Variants in TTLL5 observed in about 807,000 individuals in gnomAD.
TTLL5 encodes tubulin tyrosine ligase like 5.
Under a neutral mutation model 168.4 loss-of-function variants are expected in TTLL5, and 132 were observed. That is an observed-to-expected ratio of 0.78 (90% CI 0.68 to 0.91). TTLL5 has a LOEUF of 0.91. Ranked by LOEUF, TTLL5 falls within the 40% of genes least tolerant of loss-of-function variation. TTLL5 has a pLI of 0.00. For missense variants in TTLL5, 1,545 were observed against 1,581.5 expected (o/e 0.98, Z 0.39); for synonymous variants, 546 against 558.6 (o/e 0.98, Z 0.32).
At chr14:75,917,270 C>T (rs1174253592) in intron 31 of TTLL5, among the ~76,000 whole-genome samples, 5 of 152,092 alleles carry the variant, frequency 3.3e-5, no homozygotes, top group Admixed American at 6.5e-5. Context: ...TTTGTTTTCT[C>T]GATTTTGCAT....
chr14:75,669,345 A>G lies in TTLL5; in HGVS notation c.75-71A>G, dbSNP rs1594840577. 7.9e-6 allele frequency: 11 copies of G among 1,401,042 alleles called. No homozygotes were observed. In the East Asian group the frequency reaches 1.2e-4, roughly 15 times the overall value. The allele number at this position is 1,401,042 out of a possible 1,614,324, so 86.8% of individuals were successfully genotyped here. A position where few individuals can be genotyped will look rare whatever the true frequency, so the allele number is the denominator to read the frequency against. On this transcript the variant is annotated intron_variant, in intron 2 of 31. Coordinates refer to ENST00000298832, the MANE Select transcript of TTLL5 (RefSeq NM_015072.5). ...GGGGAAACTTGCTAAGCAACAAACCATAGTAATCTGCATCAGCAGTTAGTT... is the reference window on the plus strand; with the variant it reads ...GGGGAAACTTGCTAAGCAACAAACCGTAGTAATCTGCATCAGCAGTTAGTT...
At chr14:75,731,039 A>T (rs540802348) in intron 12 of TTLL5, among the ~76,000 whole-genome samples, 11 of 152,116 alleles carry the variant, frequency 7.2e-5, no homozygotes, top group Non-Finnish European at 1.5e-4. Flanking sequence ...TTCTTAATAC[A>T]TCATGTAACT....
chr14:75,809,651 C>T (rs1306322632), intron 27 of TTLL5, among the ~76,000 whole-genome samples: 3 of 152,128 alleles, frequency 2.0e-5, no homozygotes, highest in South Asian at 2.1e-4. Context: ...ACTATACTTT[C>T]GAATACTAGA....
chr14:75,663,247 C>G, intron 2 of TTLL5, 24 bp downstream of exon 2: 1 of 1,599,052 alleles, frequency 6.3e-7, no homozygotes, highest in Non-Finnish European at 8.5e-7. Flanking sequence ...AGCCTGCTTT[C>G]AACCTGTGCT....
At chr14:75,886,888 C>T (rs971114163) in intron 30 of TTLL5, 3 of 1,451,116 alleles carry the variant, frequency 2.1e-6, no homozygotes, top group Non-Finnish European at 2.7e-6. Flanking sequence ...TTGAAGTTTG[C>T]CAGGCACAAG....
At chr14:75,888,504 G>A (rs2032229188) in intron 30 of TTLL5, among the ~76,000 whole-genome samples, 1 of 152,154 alleles carries the variant, frequency 6.6e-6, no homozygotes, top group Admixed American at 6.6e-5. Flanking sequence ...GCTAACCTCT[G>A]ACAGAATCCA....
intron 23 of TTLL5, among the ~76,000 whole-genome samples, chr14:75,778,388 A>T (rs1891846525): frequency 6.6e-6 from 1 of 152,230 alleles, no homozygotes; most frequent in Non-Finnish European, 1.5e-5. Flanking sequence ...GATAAGACAG[A>T]TATAAAGCAG....
At chr14:75,883,754 C>T (rs886354617) in intron 30 of TTLL5, among the ~76,000 whole-genome samples, 6 of 152,194 alleles carry the variant, frequency 3.9e-5, no homozygotes, top group Non-Finnish European at 7.3e-5. Context: ...AATATTTATT[C>T]AGTGCCCACT....
intron 6 of TTLL5, among the ~76,000 whole-genome samples, chr14:75,693,794 T>C (rs988893478): frequency 6.6e-6 from 1 of 152,214 alleles, no homozygotes; most frequent in Non-Finnish European, 1.5e-5. Context: ...TAAGGGAGAT[T>C]GAGAAGTGAT....
chr14:75,834,566 T>G (rs1260524996), intron 28 of TTLL5, among the ~76,000 whole-genome samples: 2 of 152,176 alleles, frequency 1.3e-5, no homozygotes, highest in African/African-American at 4.8e-5. Context: ...CTCTGTATAT[T>G]TTTTACTCCC....
At chr14:75,920,019 G>A (rs2033770269) in intron 31 of TTLL5, among the ~76,000 whole-genome samples, 1 of 152,208 alleles carries the variant, frequency 6.6e-6, no homozygotes, top group Admixed American at 6.5e-5. Flanking sequence ...CTACTGGGGA[G>A]GCTGAGGTGG....
At chr14:75,811,167 G>GTGTGTGTA (rs1566614287) in intron 27 of TTLL5, among the ~76,000 whole-genome samples, 2 of 145,134 alleles carry the variant, frequency 1.4e-5, no homozygotes, top group Admixed American at 6.8e-5. Context: ...GTGTGTGTGT[G>GTGTGTGTA]TGTGTGTGTG....
chr14:75,693,509 AG>A (rs1367503433), intron 6 of TTLL5, among the ~76,000 whole-genome samples: 1 of 152,258 alleles, frequency 6.6e-6, no homozygotes, highest in Non-Finnish European at 1.5e-5. Context: ...AACTGTTCTC[AG>A]TAATTTGAGT....
chr14:75,842,681 T>G (rs1290777999), intron 28 of TTLL5, among the ~76,000 whole-genome samples: 2 of 152,072 alleles, frequency 1.3e-5, no homozygotes, highest in Non-Finnish European at 2.9e-5. Flanking sequence ...GTACTTTTAA[T>G]GTAAAATGTG....
At chr14:75,714,107 A>G (rs1235614655) in intron 9 of TTLL5, among the ~76,000 whole-genome samples, 1 of 152,130 alleles carries the variant, frequency 6.6e-6, no homozygotes, top group East Asian at 1.9e-4. Context: ...CAGGCCAGTC[A>G]TTTTGTGGAT....
chr14:75,673,068 A>G (rs941513026), intron 3 of TTLL5, among the ~76,000 whole-genome samples: 5 of 151,918 alleles, frequency 3.3e-5, no homozygotes, highest in East Asian at 3.9e-4. Context: ...CCTCCTGAGT[A>G]GCTTGGTCTG....
intron 3 of TTLL5, among the ~76,000 whole-genome samples, chr14:75,678,780 T>C (rs1884379502): frequency 1.3e-5 from 2 of 152,222 alleles, no homozygotes; most frequent in African/African-American, 4.8e-5. Flanking sequence ...TTTTGCAGTA[T>C]TGGTGATGGC....
intron 18 of TTLL5, among the ~76,000 whole-genome samples, chr14:75,754,370 A>G (rs1034414205): frequency 6.6e-6 from 1 of 152,118 alleles, no homozygotes; most frequent in Admixed American, 6.5e-5. Context: ...ACTTCTATAT[A>G]TCTGCAAATG....
chr14:75,810,458 C>T (rs1222620263), intron 27 of TTLL5, among the ~76,000 whole-genome samples: 1 of 152,120 alleles, frequency 6.6e-6, no homozygotes, highest in Admixed American at 6.6e-5. Flanking sequence ...GCCTTGAATT[C>T]CCAGGCTCAA....
Sources: allele counts gnomAD v4.1 joint callset (sites outside exome capture counted in the v4.1 genomes callset), GRCh38; gene constraint gnomAD v4.1.1; transcripts MANE v1.5; gene names NCBI Gene and HGNC (gene_info 2026-07-23, HGNC 2026-07-21).